LRRTM4: variants seen among roughly 807,000 people sequenced by gnomAD.
LRRTM4 encodes the protein leucine rich repeat transmembrane neuronal 4.
Under a neutral mutation model 47.6 loss-of-function variants are expected in LRRTM4, and 25 were observed. That is an observed-to-expected ratio of 0.53 (90% CI 0.38 to 0.73). The LOEUF (loss-of-function observed/expected upper bound fraction) is 0.73. LRRTM4 is among the 30% of genes least tolerant of loss of function. The pLI is 0.00. For synonymous variants in LRRTM4, 311 were observed against 269.5 expected, an observed-to-expected ratio of 1.15 and a Z score of -1.51; for missense variants, 638 against 713.4, an observed-to-expected ratio of 0.89 and a Z score of 1.20.
intron 3 of LRRTM4, among the ~76,000 whole-genome samples, chr2:77,170,182 G>C (rs1323122552): frequency 6.6e-6 from 1 of 152,052 alleles, no homozygotes; most frequent in African/African-American, 2.4e-5. Flanking sequence ...GGTGGGTCCA[G>C]TCTAATCATG....
intron 3 of LRRTM4, among the ~76,000 whole-genome samples, chr2:77,165,378 G>C: frequency 6.6e-6 from 1 of 152,202 alleles, no homozygotes; most frequent in East Asian, 1.9e-4. Context: ...AATTCTACCA[G>C]AGGTACAAAG....
chr2:77,026,606 TTTAA>T (rs1163689439), intron 3 of LRRTM4, among the ~76,000 whole-genome samples: 1 of 152,088 alleles, frequency 6.6e-6, no homozygotes, highest in Non-Finnish European at 1.5e-5. Flanking sequence ...TTATACCATA[TTTAA>T]TTATTATATA....
chr2:76,797,562 C>G (rs1049774755), intron 3 of LRRTM4, among the ~76,000 whole-genome samples: 118 of 151,622 alleles, frequency 7.8e-4, no homozygotes, highest in African/African-American at 2.6e-3. Context: ...ATCAACTAAC[C>G]AGCAAAAGAG....
chr2:77,399,539 G>T (rs1673855435), intron 3 of LRRTM4, among the ~76,000 whole-genome samples: 1 of 151,832 alleles, frequency 6.6e-6, no homozygotes, highest in Non-Finnish European at 1.5e-5. Context: ...AAGTTCAAGA[G>T]ACCTATTGTA....
At chr2:76,807,711 C>T (rs902470672) in intron 3 of LRRTM4, among the ~76,000 whole-genome samples, 1 of 150,922 alleles carries the variant, frequency 6.6e-6, no homozygotes, top group Admixed American at 6.6e-5. Context: ...TCTGCCTCAG[C>T]CTCCCGAGTA....
At chr2:76,751,131 G>C (rs181169946) in intron 3 of LRRTM4, among the ~76,000 whole-genome samples, 2 of 152,238 alleles carry the variant, frequency 1.3e-5, no homozygotes, top group East Asian at 3.9e-4. Context: ...AAAAATACTT[G>C]ATCAAAGCAC....
chr2:77,270,936 C>G (rs1676174224), intron 3 of LRRTM4, among the ~76,000 whole-genome samples: 1 of 152,120 alleles, frequency 6.6e-6, no homozygotes, highest in African/African-American at 2.4e-5. Context: ...ATTCAAAAAC[C>G]AATCAGCATG....
At position 77,086,343 on chromosome 2, in the gene LRRTM4, T is replaced by G. The variant is rs369668352; in HGVS notation, c.1552-337427A>C. On this transcript the variant is annotated intron_variant, in intron 3 of 3. Coordinates refer to ENST00000409884, the MANE Select transcript of LRRTM4 (RefSeq NM_001134745.3). ...TTAGGTTGTCTGCCTCCAAAGTTTA[T>G]GCTTTTCACCAACATAATTTGTTGT... 3.9e-5 allele frequency among the ~76,000 whole-genome samples: 6 copies of G among 152,152 alleles called. No individual in the cohort carries two copies. In the South Asian group the frequency reaches 1.2e-3, roughly 32 times the overall value.
At position 77,396,747 on chromosome 2, in the gene LRRTM4, GT is replaced by G. The variant is rs542277770; in HGVS notation, c.1551+121570del. Among the ~76,000 whole-genome samples the G allele has an allele frequency of 1.3e-4, 19 of 151,458 alleles. No individual in the cohort carries two copies. In the East Asian group the frequency reaches 1.4e-3, roughly 11 times the overall value. ...GTGAAACCAGGCAATATGCACAATA[GT>G]TTTTTTTTCTCAACAACACAGACAG... On this transcript the variant is annotated intron_variant, in intron 3 of 3. Coordinates refer to ENST00000409884, the MANE Select transcript of LRRTM4 (RefSeq NM_001134745.3).
intron 3 of LRRTM4, among the ~76,000 whole-genome samples, chr2:77,079,993 GT>G (rs1680479490): frequency 6.6e-6 from 1 of 151,940 alleles, no homozygotes; most frequent in Non-Finnish European, 1.5e-5. Context: ...TCTCCAAAGA[GT>G]TATTTATATT....
chr2:77,215,260 GGAA>G (rs1042181552), intron 3 of LRRTM4, among the ~76,000 whole-genome samples: 1 of 152,266 alleles, frequency 6.6e-6, no homozygotes, highest in East Asian at 1.9e-4. Flanking sequence ...AAATGATTAT[GGAA>G]GAAGATTTCG....
rs1573133568 is a variant in LRRTM4, at chr2:76,802,203, G to C, written c.1552-53287C>G. 5.4e-5 allele frequency among the ~76,000 whole-genome samples: 8 copies of C among 147,100 alleles called. No individual in the cohort carries two copies. In the South Asian group the frequency reaches 1.7e-3, roughly 32 times the overall value. ...AATTGTCCCTATTGTCAGACGACAT[G>C]ATCTTATATACAAAAAATCCTAAAG... is the stretch of plus-strand genomic sequence containing the variant. On this transcript the variant is annotated intron_variant, in intron 3 of 3. Transcript: ENST00000409884.
At chr2:76,988,610 A>T (rs569309320) in intron 3 of LRRTM4, among the ~76,000 whole-genome samples, 1 of 151,870 alleles carries the variant, frequency 6.6e-6, no homozygotes, top group Middle Eastern at 3.2e-3. Flanking sequence ...AAAAGCCCCA[A>T]ATTTTCTACT....
At chr2:77,081,175 G>T (rs2103855701) in intron 3 of LRRTM4, among the ~76,000 whole-genome samples, 1 of 150,148 alleles carries the variant, frequency 6.7e-6, no homozygotes, top group South Asian at 2.1e-4. Flanking sequence ...TCTTATAGAA[G>T]CTAAGCCCCA....
intron 3 of LRRTM4, among the ~76,000 whole-genome samples, chr2:76,867,660 C>T (rs1174664835): frequency 6.6e-6 from 1 of 152,162 alleles, no homozygotes; most frequent in Non-Finnish European, 1.5e-5. Flanking sequence ...TATACTCCAT[C>T]ACTGTGAATA....
chr2:77,391,712 C>G (rs949381632), intron 3 of LRRTM4, among the ~76,000 whole-genome samples: 2 of 151,958 alleles, frequency 1.3e-5, no homozygotes, highest in Admixed American at 6.6e-5. Context: ...GACCACCCCT[C>G]TCAGCCAAGG....
At chr2:76,807,471 CATATATATATATAT>C in intron 3 of LRRTM4, among the ~76,000 whole-genome samples, 1 of 97,452 alleles carries the variant, frequency 1.0e-5, no homozygotes, top group East Asian at 3.2e-4. Context: ...TATATATATA[CATATATATATATAT>C]ACATATATAT....
intron 3 of LRRTM4, among the ~76,000 whole-genome samples, chr2:77,313,461 T>C (rs186642191): frequency 2.0e-5 from 3 of 151,266 alleles, no homozygotes; most frequent in East Asian, 3.9e-4. Flanking sequence ...TGTAATCCTG[T>C]TGCTGTGATG....
intron 3 of LRRTM4, among the ~76,000 whole-genome samples, chr2:76,804,620 T>A (rs535954895): frequency 8.1e-5 from 12 of 147,330 alleles, no homozygotes; most frequent in Non-Finnish European, 1.5e-4. Context: ...TACATATGCA[T>A]AGTATCTTGT....
Sources: allele counts gnomAD v4.1 joint callset (sites outside exome capture counted in the v4.1 genomes callset), GRCh38; gene constraint gnomAD v4.1.1; transcripts MANE v1.5; gene names NCBI Gene and HGNC (gene_info 2026-07-23, HGNC 2026-07-21).